The following ADAMTS18 variants were observed in gnomAD, a reference collection of about 807,000 sequenced individuals.
ADAMTS18 encodes the protein ADAM metallopeptidase with thrombospondin type 1 motif 18.
ADAMTS18 carries 157 observed loss-of-function variants against 165.9 expected under a neutral mutation model. That is an observed-to-expected ratio of 0.95 (90% CI 0.83 to 1.08). ADAMTS18 has a LOEUF of 1.08. Among genes scored for constraint, ADAMTS18 ranks in the 50% least tolerant of loss-of-function variants. The pLI is 0.00. For missense variants in ADAMTS18, 2,040 were observed against 1,534.0 expected (o/e 1.33, Z -5.51); for synonymous variants, 782 against 578.2 (o/e 1.35, Z -5.06).
intron 8 of ADAMTS18, among the ~76,000 whole-genome samples, chr16:77,358,040 A>T (rs2056656733): frequency 6.6e-6 from 1 of 152,208 alleles, no homozygotes; most frequent in South Asian, 2.1e-4. Flanking sequence ...ACAAACTTAG[A>T]CATACATTTG....
chr16:77,409,753 T>C (rs1461907736), intron 3 of ADAMTS18, among the ~76,000 whole-genome samples: 1 of 152,050 alleles, frequency 6.6e-6, no homozygotes, highest in African/African-American at 2.4e-5. Flanking sequence ...TTTACTAACA[T>C]GGGAGGAAAA....
At chr16:77,415,704 G>T (rs1265435072) in intron 3 of ADAMTS18, among the ~76,000 whole-genome samples, 1 of 129,760 alleles carries the variant, frequency 7.7e-6, no homozygotes, top group Non-Finnish European at 1.6e-5. Flanking sequence ...CAGATGACTG[G>T]AGTAATGAAT....
At chr16:77,391,741 GA>G (rs2057190611) in intron 3 of ADAMTS18, among the ~76,000 whole-genome samples, 1 of 152,054 alleles carries the variant, frequency 6.6e-6, no homozygotes, top group South Asian at 2.1e-4. Flanking sequence ...AACTCTACTC[GA>G]TTTCAAGTTA....
intron 12 of ADAMTS18, among the ~76,000 whole-genome samples, chr16:77,331,629 C>A (rs1338476910): frequency 6.6e-6 from 1 of 152,086 alleles, no homozygotes; most frequent in African/African-American, 2.4e-5. Flanking sequence ...GGACATTTGG[C>A]AATGTCTGGA....
chr16:77,327,496 C>T (rs1281359839), intron 12 of ADAMTS18, among the ~76,000 whole-genome samples: 1 of 152,270 alleles, frequency 6.6e-6, no homozygotes, highest in Non-Finnish European at 1.5e-5. Context: ...GGAACCAGCC[C>T]AAATGCCCAT....
intron 9 of ADAMTS18, among the ~76,000 whole-genome samples, chr16:77,354,290 T>C (rs2056597511): frequency 6.6e-6 from 1 of 152,198 alleles, no homozygotes; most frequent in Admixed American, 6.5e-5. Flanking sequence ...ACAGTACCTG[T>C]CTTCATGGAG....
chr16:77,333,858 T>A lies in ADAMTS18; in HGVS notation c.1859+1898A>T, dbSNP rs1298511518. On this transcript the variant is annotated intron_variant, in intron 12 of 22. Coordinates refer to ENST00000282849, the MANE Select transcript of ADAMTS18 (RefSeq NM_199355.4). The stretch of plus-strand genomic sequence containing the variant: ...ATTAATAGTATAATATAGTATACTA[T>A]TATACTATATTATATATAGTATATT... Among the ~76,000 whole-genome samples the A allele has an allele frequency of 3.1e-5, 4 of 130,708 alleles. 1 individual carries two copies. The highest frequency in any genetic ancestry group is 6.5e-5 in the Non-Finnish European group (4 of 61,590). 85.7% of individuals were successfully genotyped at this position (130,708 alleles called of 152,430 possible). A position where few individuals can be genotyped will look rare whatever the true frequency, so the allele number is the denominator to read the frequency against.
At chr16:77,290,982 A>AAGACTC in intron 21 of ADAMTS18, 5 of 483,072 alleles carry the variant, frequency 1.0e-5, no homozygotes, top group East Asian at 8.0e-5. Context: ...GACCAACATT[A>AAGACTC]GCAGTGTATA....
intron 9 of ADAMTS18, among the ~76,000 whole-genome samples, 176 bp from the exon 10 acceptor site, chr16:77,354,062 A>T (rs918977162): frequency 6.6e-6 from 1 of 152,224 alleles, no homozygotes; most frequent in African/African-American, 2.4e-5. Context: ...GTCTAAGAGG[A>T]TGGAATGTAC....
chr16:77,303,403 TC>T (rs918319322), intron 16 of ADAMTS18, among the ~76,000 whole-genome samples: 16 of 152,188 alleles, frequency 1.1e-4, no homozygotes, highest in African/African-American at 3.4e-4. Flanking sequence ...TTTTTCTGCC[TC>T]CCTGAAAGGC....
At chr16:77,323,457 T>C (rs1398538101) in intron 13 of ADAMTS18, among the ~76,000 whole-genome samples, 1 of 152,196 alleles carries the variant, frequency 6.6e-6, no homozygotes, top group Admixed American at 6.5e-5. Flanking sequence ...GCAGCTTTAT[T>C]TAATGCGTAA....
intron 3 of ADAMTS18, among the ~76,000 whole-genome samples, chr16:77,396,397 A>G (rs1032811942): frequency 2.0e-5 from 3 of 152,368 alleles, no homozygotes; most frequent in African/African-American, 7.2e-5. Flanking sequence ...TCTACAAAAA[A>G]TATGACTGCA....
At chr16:77,400,450 G>C (rs906031339) in intron 3 of ADAMTS18, among the ~76,000 whole-genome samples, 2 of 84,676 alleles carry the variant, frequency 2.4e-5, no homozygotes, top group Non-Finnish European at 5.8e-5. Context: ...GTGTGTGTGT[G>C]TGTGTCTGTG....
Position 77,291,416 on chromosome 16 carries a change from G to T in ADAMTS18, c.3252C>A (p.Phe1084Leu), listed in dbSNP as rs572736361. Residue 1084 changes from phenylalanine (F) to leucine (L), a missense_variant, in exon 21 of 23, where the codon TTC becomes TTA. Phe to Leu is a conservative substitution (Grantham distance 22). Transcript: ENST00000282849. ...CTGGGAAAGTTATCAGCTTTCCCTG[G>T]AAGCCCTTCTCGCTGCACTTCATCT... ...KREMKCSEKG[F>L]QGKLITFPER... is the part of the protein sequence containing the mutation. The T allele has an allele frequency of 8.7e-6, 14 of 1,614,162 alleles. No homozygotes were observed. Among genetic ancestry groups the T allele is most frequent in the Middle Eastern group, 1.6e-4 (1 of 6,062 alleles).
chr16:77,322,461 C>A lies in ADAMTS18; in HGVS notation c.2038G>T (p.Asp680Tyr), dbSNP rs1417729282. The part of the protein sequence containing the change: ...WKPYTKVEEE[D>Y]RCKLYCKAEN... ...GCCTTGCAGTACAGTTTGCATCGAT[C>A]TTCCTCTAGAAACAAAGAGATCAAG... Residue 680 changes from aspartate (D) to tyrosine (Y), a missense_variant, in exon 14 of 23, where the codon GAT (aspartate) becomes TAT (tyrosine). Coordinates refer to ENST00000282849, the MANE Select transcript of ADAMTS18 (RefSeq NM_199355.4). 1.2e-6 allele frequency: 2 copies of A among 1,613,950 alleles called. No homozygotes were observed. Among genetic ancestry groups the A allele is most frequent in the Non-Finnish European group, 1.7e-6 (2 of 1,179,928 alleles).
intron 3 of ADAMTS18, among the ~76,000 whole-genome samples, chr16:77,402,928 T>C (rs374011871): frequency 1.3e-5 from 2 of 152,152 alleles, no homozygotes; most frequent in South Asian, 2.1e-4. Context: ...ACAACCTCTC[T>C]CAAATACACA....
rs377434442 is a variant in ADAMTS18 at position 77,413,218 on chromosome 16, C to G, written c.495+18077G>C. Reference sequence around the variant, plus strand: ...TAGAATAAAGGCCACCTGACCTGCTCCTCATTTCAAGTATTCCTGAGAAAA... The same window carrying G: ...TAGAATAAAGGCCACCTGACCTGCTGCTCATTTCAAGTATTCCTGAGAAAA... On this transcript the variant is annotated intron_variant, in intron 3 of 22. Transcript: ENST00000282849. 2.0e-5 allele frequency among the ~76,000 whole-genome samples: 3 copies of G among 152,138 alleles called. No homozygotes were observed. The East Asian group carries it at 5.8e-4, about 29-fold the overall frequency.
At chr16:77,327,591 C>G (rs1331740665) in intron 12 of ADAMTS18, among the ~76,000 whole-genome samples, 1 of 152,200 alleles carries the variant, frequency 6.6e-6, no homozygotes, top group East Asian at 1.9e-4. Context: ...ATGGCATTCA[C>G]AGCAACCTGG....
At chr16:77,367,403 C>T (rs2056810809) in intron 4 of ADAMTS18, 38 bp downstream of exon 4, 1 of 1,612,856 alleles carries the variant, frequency 6.2e-7, no homozygotes, top group African/African-American at 1.3e-5. Flanking sequence ...TGTCGAGGCC[C>T]ACATAAGAAC....
Sources: gnomAD v4.1 joint callset for allele counts (sites outside exome capture counted in the v4.1 genomes callset) on GRCh38, gnomAD v4.1.1 for gene constraint, MANE v1.5 for transcripts, NCBI Gene and HGNC (gene_info 2026-07-23, HGNC 2026-07-21) for gene names.